Variants in CAMTA1 observed in about 807,000 individuals in gnomAD.
CAMTA1 encodes the protein calmodulin-binding transcription activator 1.
In CAMTA1, 27 loss-of-function variants were observed where a neutral mutation model predicts 170.9. The ratio of observed to expected loss-of-function variants is 0.16; its 90% CI spans 0.12 to 0.22. CAMTA1 has a LOEUF of 0.22. CAMTA1 is among the 10% of genes least tolerant of loss of function. The pLI is 1.00. For synonymous variants in CAMTA1, 833 were observed against 891.5 expected (o/e 0.93, Z 1.17); for missense variants, 1,619 against 2,217.2 (o/e 0.73, Z 5.42).
At chr1:7,270,291 A>ATATATATATATATATATTTTTT (rs1336977888) in intron 5 of CAMTA1, among the ~76,000 whole-genome samples, 1 of 110,570 alleles carries the variant, frequency 9.0e-6, no homozygotes, top group African/African-American at 3.4e-5. Flanking sequence ...ATATATATAT[A>ATATATATATATATATATTTTTT]TTTTTTTTTT....
At chr1:6,883,299 T>C (rs995312583) in intron 3 of CAMTA1, among the ~76,000 whole-genome samples, 3 of 152,112 alleles carry the variant, frequency 2.0e-5, no homozygotes, top group African/African-American at 7.2e-5. Flanking sequence ...GGGGCGATCG[T>C]TGGTGACTTT....
Position 7,244,920 on chromosome 1 carries a change from AAATT to A in CAMTA1, c.303-4556_303-4553del, listed in dbSNP as rs543783048. Among the ~76,000 whole-genome samples the A allele has an allele frequency of 3.6e-3, 541 of 151,994 alleles. 3 individuals carry two copies. Among genetic ancestry groups the A allele is most frequent in the African/African-American group, 0.012 (513 of 41,470 alleles). On this transcript the variant is annotated intron_variant, in intron 4 of 22. Transcript: ENST00000303635. ...TAATAATAAAAATAAATACATAAATAAATTAATTAATTAATTAACTTCGGAAGAT... is the reference window on the plus strand; with the variant it reads ...TAATAATAAAAATAAATACATAAATAAATTAATTAATTAACTTCGGAAGAT...
At chr1:7,483,923 G>C (rs2093578816) in intron 6 of CAMTA1, among the ~76,000 whole-genome samples, 1 of 152,188 alleles carries the variant, frequency 6.6e-6, no homozygotes, top group Non-Finnish European at 1.5e-5. Flanking sequence ...GTTCCCTCCT[G>C]GGGCAGAGGA....
rs1490210389 is a variant in CAMTA1 at position 7,251,506 on chromosome 1, G to T, written c.438+1880G>T. Among the ~76,000 whole-genome samples the T allele has an allele frequency of 6.6e-6, 1 of 152,136 alleles. No homozygotes were observed. The highest frequency in any genetic ancestry group is 2.4e-5 in the African/African-American group (1 of 41,422). On this transcript the variant is annotated intron_variant, in intron 5 of 22. Coordinates refer to ENST00000303635, the MANE Select transcript of CAMTA1 (RefSeq NM_015215.4). This position sits in a 1 kb window ranked among gnomAD's most constrained non-coding sequence, Gnocchi z 5.1. ...GCCGGTGACACGATGCTTGCTTTGG[G>T]TTCTCAGAGAGAGGCCACCTACTAT...
rs1673518794 is a variant in CAMTA1 at position 7,293,824 on chromosome 1, T to A, written c.438+44198T>A. 6.6e-6 allele frequency among the ~76,000 whole-genome samples: 1 copy of A among 152,248 alleles called. No homozygotes were observed. Among genetic ancestry groups the A allele is most frequent in the South Asian group, 2.1e-4 (1 of 4,834 alleles). ...TTCCAGCTCTCCCGTGCCCCTCGCT[T>A]TTCTCTGAAAACTCGGCATGCCCCG... On this transcript the variant is annotated intron_variant, in intron 5 of 22. Transcript: ENST00000303635. The surrounding 1 kb of genome is among the most constrained non-coding windows in gnomAD (Gnocchi z 4.1).
chr1:6,937,148 C>T (rs1361087428), intron 3 of CAMTA1, among the ~76,000 whole-genome samples: 1 of 150,694 alleles, frequency 6.6e-6, no homozygotes, highest in Non-Finnish European at 1.5e-5. Flanking sequence ...ATCACCATCA[C>T]CATCATCACC....
At chr1:7,266,702 C>G (rs1040163993) in intron 5 of CAMTA1, among the ~76,000 whole-genome samples, 1 of 152,106 alleles carries the variant, frequency 6.6e-6, no homozygotes, top group Non-Finnish European at 1.5e-5. Flanking sequence ...AGGCACTGGC[C>G]CTTGGTGACG....
intron 6 of CAMTA1, among the ~76,000 whole-genome samples, chr1:7,539,058 AC>A (rs1280917983): frequency 6.6e-6 from 1 of 152,108 alleles, no homozygotes; most frequent in African/African-American, 2.4e-5. Context: ...ACAGCCTGCC[AC>A]CCTCAGGGCC....
chr1:7,661,205 G>A (rs968420336), intron 7 of CAMTA1, among the ~76,000 whole-genome samples: 6 of 151,492 alleles, frequency 4.0e-5, no homozygotes, highest in Non-Finnish European at 8.8e-5. Flanking sequence ...GAAGTCTGGT[G>A]AGGGCAGGAA....
chr1:6,790,298 G>A (rs922920600), intron 1 of CAMTA1, among the ~76,000 whole-genome samples: 1 of 151,938 alleles, frequency 6.6e-6, no homozygotes, highest in African/African-American at 2.4e-5. Context: ...GGTGAAGAGG[G>A]TGGGAGGGTG....
At chr1:6,835,300 ACT>A (rs1238991833) in intron 3 of CAMTA1, among the ~76,000 whole-genome samples, 5 of 152,228 alleles carry the variant, frequency 3.3e-5, no homozygotes, top group South Asian at 4.1e-4. Flanking sequence ...TGCACTCGAG[ACT>A]CTGTACTGTG....
At chr1:7,429,065 T>C (rs886110855) in intron 5 of CAMTA1, among the ~76,000 whole-genome samples, 1 of 152,196 alleles carries the variant, frequency 6.6e-6, no homozygotes. Context: ...TGCTTTCTGC[T>C]TCCACGAAAT....
At chr1:6,861,198 C>T (rs962139954) in intron 3 of CAMTA1, among the ~76,000 whole-genome samples, 1 of 152,054 alleles carries the variant, frequency 6.6e-6, no homozygotes, top group Non-Finnish European at 1.5e-5. Context: ...TCAAGCGATC[C>T]GCCCGCCTTG....
chr1:7,660,862 T>C (rs2095950091), intron 7 of CAMTA1, among the ~76,000 whole-genome samples: 1 of 152,238 alleles, frequency 6.6e-6, no homozygotes, highest in South Asian at 2.1e-4. Context: ...CTGGCCCCAC[T>C]AGAGACAGCT....
intron 3 of CAMTA1, among the ~76,000 whole-genome samples, chr1:7,080,839 C>T (rs1392402152): frequency 6.6e-6 from 1 of 152,224 alleles, no homozygotes; most frequent in Non-Finnish European, 1.5e-5. Flanking sequence ...TAAAGACTTT[C>T]TAGCTAGTAG....
intron 5 of CAMTA1, among the ~76,000 whole-genome samples, chr1:7,423,299 C>T (rs910476506): frequency 7.9e-5 from 12 of 152,074 alleles, no homozygotes; most frequent in Non-Finnish European, 1.2e-4. Flanking sequence ...AGCGAAACCG[C>T]GTCTCTACTA....
At chr1:7,034,084 T>C (rs185144494) in intron 3 of CAMTA1, among the ~76,000 whole-genome samples, 2 of 152,312 alleles carry the variant, frequency 1.3e-5, no homozygotes, top group African/African-American at 4.8e-5. Context: ...CCCCATATAT[T>C]ATGAAGATTT....
chr1:6,830,502 C>T (rs1410288417), intron 3 of CAMTA1, among the ~76,000 whole-genome samples: 2 of 151,978 alleles, frequency 1.3e-5, no homozygotes, highest in Non-Finnish European at 2.9e-5. Context: ...CGCCACCATG[C>T]CTGGCTAATT....
chr1:6,922,991 C>G (rs1021193153), intron 3 of CAMTA1, among the ~76,000 whole-genome samples: 1 of 151,934 alleles, frequency 6.6e-6, no homozygotes, highest in Non-Finnish European at 1.5e-5. Flanking sequence ...ATAAATTTCA[C>G]GAATAAGGTA....
Sources: allele counts gnomAD v4.1 joint callset (sites outside exome capture counted in the v4.1 genomes callset), GRCh38; gene constraint gnomAD v4.1.1; non-coding constraint Gnocchi (gnomAD v3.1); transcripts MANE v1.5; gene names NCBI Gene and HGNC (gene_info 2026-07-23, HGNC 2026-07-21).